Variants in MED25 observed in about 807,000 individuals in gnomAD.
MED25 encodes the protein mediator complex subunit 25.
MED25 carries 62 observed loss-of-function variants against 89.4 expected under a neutral mutation model. That is an observed-to-expected ratio of 0.69 (90% confidence interval 0.57 to 0.86). MED25 has a LOEUF of 0.86. Among genes scored for constraint, MED25 ranks in the 40% least tolerant of loss-of-function variants. MED25 has a pLI of 0.00. For missense variants in MED25, 905 were observed against 1,005.2 expected (o/e 0.90, Z 1.35); for synonymous variants, 449 against 427.9 (o/e 1.05, Z -0.61).
Position 49,836,011 on chromosome 19 carries a change from C to T in MED25, c.1965+66C>T. The T allele has an allele frequency of 6.3e-7, 1 of 1,584,818 alleles. No homozygotes were observed. Among genetic ancestry groups the T allele is most frequent in the African/African-American group, 1.4e-5 (1 of 74,016 alleles). ...GCCCTGGTGGTTCTGGTCCTGTTGT[C>T]TGGGAGGAGGGAGGTTGACTGTGGT... On this transcript the variant is annotated intron_variant, in intron 16 of 17. Coordinates refer to ENST00000312865, the MANE Select transcript of MED25 (RefSeq NM_030973.4). This position sits in a 1 kb window ranked among gnomAD's most constrained non-coding sequence, Gnocchi z 5.1.
In MED25 at chr19:49,819,195, C is replaced by T. The variant is rs1159331898; in HGVS notation, c.204C>T (p.Leu68=). 3 of 1,614,210 alleles carry T rather than the reference C, an allele frequency of 1.9e-6. No homozygotes were observed. Among genetic ancestry groups the T allele is most frequent in the South Asian group, 1.1e-5 (1 of 91,084 alleles). Residue 68 remains leucine, a synonymous_variant, in exon 3 of 18, where the codon CTC becomes CTT. Coordinates refer to ENST00000312865, the MANE Select transcript of MED25 (RefSeq NM_030973.4). ...AGTATGGGGGGACCCAGTACAGCCTCGTGGTGTTCAACACAGTGGACTGCG... is the reference window on the plus strand; with the variant it reads ...AGTATGGGGGGACCCAGTACAGCCTTGTGGTGTTCAACACAGTGGACTGCG... ...GGDYGGTQYS[L]VVFNTVDCAP...
Position 49,818,297 on chromosome 19 carries a change from G to A in MED25, c.-45G>A. The A allele has an allele frequency of 1.9e-6, 3 of 1,551,696 alleles. No homozygotes were observed. Among genetic ancestry groups the A allele is most frequent in the African/African-American group, 1.4e-5 (1 of 73,212 alleles). Reference sequence around the variant, plus strand: ...CAGGCGCATTTCTGCTCATTCCGCGGCGTCGGCTGCGGCTGCAGTGGTGGT... The same window carrying A: ...CAGGCGCATTTCTGCTCATTCCGCGACGTCGGCTGCGGCTGCAGTGGTGGT... On this transcript the variant is annotated 5_prime_UTR_variant, in exon 1 of 18. Transcript: ENST00000312865.
Position 49,831,198 on chromosome 19 carries a change from T to C in MED25, c.1102-135T>C, listed in dbSNP as rs1282313321. On this transcript the variant is annotated intron_variant, in intron 9 of 17. Coordinates refer to ENST00000312865, the MANE Select transcript of MED25 (RefSeq NM_030973.4). The surrounding 1 kb of genome is among the most constrained non-coding windows in gnomAD (Gnocchi z 5.0). ...GTCCAAGCATTTGGGGTCCTGCGGC[T>C]GGCCAAGTGCTGTTCTGGGGATGGA... 4.1e-6 allele frequency: 4 copies of C among 983,432 alleles called. No homozygotes were observed. Among genetic ancestry groups the C allele is most frequent in the Non-Finnish European group, 6.0e-6 (4 of 670,086 alleles). 60.9% of individuals were successfully genotyped at this position (983,432 alleles called of 1,614,324 possible).
At chr19:49,820,972 A>G (rs2073977728) in intron 3 of MED25, among the ~76,000 whole-genome samples, 1 of 152,362 alleles carries the variant, frequency 6.6e-6, no homozygotes, top group Admixed American at 6.5e-5. Context: ...TCTTAGCTGT[A>G]TAATAGATTA....
At chr19:49,827,242 C>T (rs907418163) in intron 3 of MED25, among the ~76,000 whole-genome samples, 5 of 152,212 alleles carry the variant, frequency 3.3e-5, no homozygotes, top group Admixed American at 6.5e-5. Flanking sequence ...GAGAGGCCAT[C>T]CCCGGGCCAC....
chr19:49,830,699 C>T lies in MED25; in HGVS notation c.913C>T (p.Pro305Ser), dbSNP rs1336733123. Residue 305 changes from proline to serine, a missense_variant, in exon 9 of 18, where the codon CCC (proline) becomes TCC (serine). This residue lies in a region of MED25 where 501 missense variants were observed against 526.9 expected (regional missense o/e 0.95). Transcript: ENST00000312865. The surrounding 1 kb of genome is among the most constrained non-coding windows in gnomAD (Gnocchi z 4.6). ...QKAGLGPRFSPITPLQQAAPG... is the reference protein window; with the variant it reads ...QKAGLGPRFSSITPLQQAAPG... ...TCCCTTGGTCTCTCCCACAGTCTCGCCCATCACCCCTCTCCAACAAGCTGC... is the reference window on the plus strand; with the variant it reads ...TCCCTTGGTCTCTCCCACAGTCTCGTCCATCACCCCTCTCCAACAAGCTGC... The T allele has an allele frequency of 6.2e-7, 1 of 1,614,040 alleles. No individual in the cohort carries two copies. Among genetic ancestry groups the T allele is most frequent in the Non-Finnish European group, 8.5e-7 (1 of 1,179,944 alleles).
intron 3 of MED25, among the ~76,000 whole-genome samples, chr19:49,827,749 G>A (rs1229113451): frequency 1.3e-5 from 2 of 152,206 alleles, no homozygotes; most frequent in African/African-American, 4.8e-5. Context: ...GGACAGAGGA[G>A]GCCCCCGTCT....
chr19:49,825,242 G>GGTTTT (rs927964693), intron 3 of MED25, among the ~76,000 whole-genome samples: 28 of 151,802 alleles, frequency 1.8e-4, no homozygotes, highest in Non-Finnish European at 3.5e-4. Flanking sequence ...TCCTCATAAG[G>GGTTTT]GTTTTGTTTT....
rs760501226 is a variant in MED25, at chr19:49,830,587, T to TGGGCC, written c.897_901dup (p.Pro301ArgfsTer78). On this transcript the variant is annotated frameshift_variant, in exon 8 of 18. Coordinates refer to ENST00000312865, the MANE Select transcript of MED25 (RefSeq NM_030973.4). LOFTEE classifies it high-confidence loss of function. This position sits in a 1 kb window ranked among gnomAD's most constrained non-coding sequence, Gnocchi z 4.6. ...GCTGCCAAGAACCAGAAGGCTGGGC[T>TGGGCC]GGGCCCTCGCTGTGAGTCCTGGAGT... 2.5e-6 allele frequency: 4 copies of TGGGCC among 1,614,136 alleles called. No homozygotes were observed. Among genetic ancestry groups the TGGGCC allele is most frequent in the Admixed American group, 3.3e-5 (2 of 60,022 alleles).
chr19:49,834,833 C>A lies in MED25; in HGVS notation c.1483-153C>A. On this transcript the variant is annotated intron_variant, in intron 13 of 17. Transcript: ENST00000312865. The surrounding 1 kb of genome is among the most constrained non-coding windows in gnomAD (Gnocchi z 4.1). ...AGCGCCTCAGTTTCTGTCTCCAGAG[C>A]AACCCATAGCACACCTGTTCTCCTT... The A allele has an allele frequency of 1.3e-6, 1 of 758,876 alleles. No homozygotes were observed. The highest frequency in any genetic ancestry group is 2.2e-6 in the Non-Finnish European group (1 of 448,458). The allele number at this position is 758,876 out of a possible 1,614,324, so 47.0% of individuals were successfully genotyped here.
intron 3 of MED25, among the ~76,000 whole-genome samples, chr19:49,825,723 C>T (rs370786620): frequency 1.3e-5 from 2 of 151,450 alleles, no homozygotes; most frequent in Admixed American, 1.3e-4. Flanking sequence ...CCCAGCTACT[C>T]GGGAGGCTGA....
At chr19:49,819,732 C>T in intron 3 of MED25, 1 of 326,930 alleles carries the variant, frequency 3.1e-6, no homozygotes, top group Non-Finnish European at 5.9e-6. Context: ...TTTCCGTCTA[C>T]CCCTGTCCTC....
intron 3 of MED25, among the ~76,000 whole-genome samples, chr19:49,826,779 C>A (rs574762531): frequency 6.6e-6 from 1 of 152,174 alleles, no homozygotes; most frequent in Non-Finnish European, 1.5e-5. Context: ...GGATTCCATC[C>A]GGGCCGGAAT....
rs764747321 is a variant in MED25 at position 49,835,890 on chromosome 19, C to T, written c.1910C>T (p.Pro637Leu). 6.2e-7 allele frequency: 1 copy of T among 1,612,808 alleles called. No individual in the cohort carries two copies. Among genetic ancestry groups the T allele is most frequent in the Non-Finnish European group, 8.5e-7 (1 of 1,179,908 alleles). ...GPPPPGPILR[P>L]QNPGANPQLR... ...CCCCCTCCTGGACCCATCCTTCGGC[C>T]CCAGAACCCTGGGGCCAACCCTCAG... The change falls in exon 16 of 18, where the codon CCC becomes CTC. Residue 637 changes from proline (P) to leucine (L), a missense_variant. Transcript: ENST00000312865. The surrounding 1 kb of genome is among the most constrained non-coding windows in gnomAD (Gnocchi z 6.2).
Position 49,829,889 on chromosome 19 carries a change from C to G in MED25, c.629C>G (p.Pro210Arg). 6.2e-7 allele frequency: 1 copy of G among 1,613,302 alleles called. No individual in the cohort carries two copies. Among genetic ancestry groups the G allele is most frequent in the Non-Finnish European group, 8.5e-7 (1 of 1,179,934 alleles). Residue 210 changes from proline to arginine, a missense_variant, in exon 6 of 18, where the codon CCG (proline) becomes CGG (arginine). Physicochemically the swap from Pro to Arg is moderately radical, Grantham distance 103. Transcript: ENST00000312865. This position sits in a 1 kb window ranked among gnomAD's most constrained non-coding sequence, Gnocchi z 4.6. ...GCCTTGCTGGAGCCGCTGCAGCCTC[C>G]GACAGATGTGAGCCAGGACCCGAGG... Reference protein sequence around the residue: ...PPALLEPLQPPTDVSQDPRHM... With the variant: ...PPALLEPLQPRTDVSQDPRHM...
rs2073953931 is a variant in MED25, at chr19:49,818,438, G to T, written c.97G>T (p.Glu33Ter). 1.2e-6 allele frequency: 2 copies of T among 1,614,008 alleles called. No homozygotes were observed. The highest frequency in any genetic ancestry group is 2.2e-5 in the South Asian group (2 of 91,094). Residue 33 changes from glutamate (E) to a stop codon, truncating the protein, a stop_gained, in exon 1 of 18, where the codon GAG becomes TAG. Coordinates refer to ENST00000312865, the MANE Select transcript of MED25 (RefSeq NM_030973.4). LOFTEE classifies it high-confidence loss of function. Reference sequence around the variant, plus strand: ...TACGGCCAACCTGGGACCCTACTTCGAGGGGCTCCGCAAGCACTACCTGCT... The same window carrying T: ...TACGGCCAACCTGGGACCCTACTTCTAGGGGCTCCGCAAGCACTACCTGCT... ...EGTANLGPYF[E>*]GLRKHYLLPA...
rs745533616 is a variant in MED25, at chr19:49,836,358, C to G, written c.2098C>G (p.Pro700Ala). Residue 700 changes from proline to alanine, a missense_variant, in exon 17 of 18, where the codon CCT (proline) becomes GCT (alanine). By Grantham distance (27) the Pro-to-Ala change is conservative. This residue lies in a region of MED25 where 271 missense variants were observed against 258.1 expected (regional missense o/e 1.05). Transcript: ENST00000312865. This position sits in a 1 kb window ranked among gnomAD's most constrained non-coding sequence, Gnocchi z 5.1. ...QLGPPLLHPP[P>A]AQSWPAQLPP... Reference sequence around the variant, plus strand: ...GGGGCCCCCACTCCTGCATCCACCACCTGCCCAGTCCTGGCCCGCACAACT... The same window carrying G: ...GGGGCCCCCACTCCTGCATCCACCAGCTGCCCAGTCCTGGCCCGCACAACT... 3 of 1,608,000 alleles carry G rather than the reference C, an allele frequency of 1.9e-6. No individual in the cohort carries two copies. The highest frequency in any genetic ancestry group is 2.7e-5 in the African/African-American group (2 of 74,812).
In MED25 at chr19:49,829,702, C is replaced by T. The variant is rs2074039366; in HGVS notation, c.526-84C>T. On this transcript the variant is annotated intron_variant, in intron 5 of 17. Coordinates refer to ENST00000312865, the MANE Select transcript of MED25 (RefSeq NM_030973.4). The surrounding 1 kb of genome is among the most constrained non-coding windows in gnomAD (Gnocchi z 4.6). ...TTGTAGGGCTGGTGCCGTCCAGCCA[C>T]ACAGCAGTTGTGGTAGGTTGGGGGC... is the stretch of plus-strand genomic sequence containing the variant. 7.0e-7 allele frequency: 1 copy of T among 1,426,218 alleles called. No homozygotes were observed. Among genetic ancestry groups the T allele is most frequent in the East Asian group, 2.5e-5 (1 of 39,836 alleles). The allele number at this position is 1,426,218 out of a possible 1,614,324, so 88.3% of individuals were successfully genotyped here. A position where few individuals can be genotyped will look rare whatever the true frequency, so the allele number is the denominator to read the frequency against.
chr19:49,835,150 G>A lies in MED25; in HGVS notation c.1647G>A (p.Gln549=), dbSNP rs764357082. 8.7e-6 allele frequency: 14 copies of A among 1,614,060 alleles called. No homozygotes were observed. The South Asian group carries it at 1.4e-4, about 16-fold the overall frequency. The part of the protein sequence containing the change: ...QVITNHKQVQ[Q]QKLEQQQRGM... The stretch of plus-strand genomic sequence containing the variant: ...TCACCAACCACAAGCAGGTCCAGCA[G>A]CAGAAGCTGGAGCAGCAGCAGCGAG... The change falls in exon 14 of 18, where the codon CAG becomes CAA. Residue 549 remains glutamine, a synonymous_variant. Transcript: ENST00000312865. The surrounding 1 kb of genome is among the most constrained non-coding windows in gnomAD (Gnocchi z 6.2).
Sources: allele counts gnomAD v4.1 joint callset (sites outside exome capture counted in the v4.1 genomes callset), GRCh38; gene constraint gnomAD v4.1.1; regional missense constraint gnomAD v4.1.1; non-coding constraint Gnocchi (gnomAD v3.1); transcripts MANE v1.5; gene names NCBI Gene and HGNC (gene_info 2026-07-23, HGNC 2026-07-21).